The following NPHP4 variants were observed in gnomAD, a reference collection of about 807,000 sequenced individuals.
NPHP4 encodes nephrocystin-4.
In NPHP4, 151 loss-of-function variants were observed where a neutral mutation model predicts 155.8. That is an observed-to-expected ratio of 0.97 (90% confidence interval 0.85 to 1.11). The LOEUF is 1.11. Ranked by LOEUF, NPHP4 falls within the 50% of genes least tolerant of loss-of-function variation. NPHP4 has a pLI of 0.00. For synonymous variants in NPHP4, 845 were observed against 816.8 expected (o/e 1.03, Z -0.59); for missense variants, 1,956 against 1,925.7 (o/e 1.02, Z -0.29).
chr1:5,940,969 A>G (rs1479300550), intron 9 of NPHP4, among the ~76,000 whole-genome samples: 2 of 152,208 alleles, frequency 1.3e-5, no homozygotes, highest in African/African-American at 4.8e-5. Context: ...AATCCAGAAA[A>G]TAAACATGCA....
Position 5,981,601 on chromosome 1 carries a change from T to C in NPHP4, c.136-3188A>G, listed in dbSNP as rs1654711504. Among the ~76,000 whole-genome samples, 7 of 152,332 alleles carry C rather than the reference T, an allele frequency of 4.6e-5. No homozygotes were observed. In the South Asian group the frequency reaches 1.5e-3, roughly 32 times the overall value. On this transcript the variant is annotated intron_variant, in intron 2 of 29. Transcript: ENST00000378156. The stretch of plus-strand genomic sequence containing the variant: ...TTCACAGGGAAGCAAGCTTTGGCCA[T>C]TATCTAAAGCTATCAATTCTCAAAA...
Position 5,947,110 on chromosome 1 carries a change from G to A in NPHP4, c.1113C>T (p.Asp371=), listed in dbSNP as rs769237264. ...EYVFSSPAGV[D]GNAASVTSLS... is the part of the protein sequence containing the mutation. Reference sequence around the variant, plus strand: ...GCAAAAGGGCTGTTCTTACATTGCCGTCCACTCCTGCAGGGCTGCTGAACA... The same window carrying A: ...GCAAAAGGGCTGTTCTTACATTGCCATCCACTCCTGCAGGGCTGCTGAACA... The change falls in exon 9 of 30, where the codon GAC becomes GAT. Residue 371 remains aspartate (D), a synonymous_variant. Coordinates refer to ENST00000378156, the MANE Select transcript of NPHP4 (RefSeq NM_015102.5). The A allele has an allele frequency of 9.7e-5, 156 of 1,613,736 alleles. No homozygotes were observed. Among genetic ancestry groups the A allele is most frequent in the Non-Finnish European group, 1.2e-4 (138 of 1,179,834 alleles).
intron 23 of NPHP4, among the ~76,000 whole-genome samples, chr1:5,869,948 C>T (rs1641827957): frequency 6.6e-6 from 1 of 152,172 alleles, no homozygotes; most frequent in African/African-American, 2.4e-5. Flanking sequence ...AAACAGTAGT[C>T]TGTGCACATA....
intron 11 of NPHP4, among the ~76,000 whole-genome samples, chr1:5,921,309 G>A (rs569680447): frequency 5.3e-4 from 80 of 152,292 alleles, no homozygotes; most frequent in African/African-American, 1.8e-3. Flanking sequence ...TGCTGAGCCC[G>A]CCCATGTCTC....
chr1:5,978,121 T>C (rs1457596953), intron 3 of NPHP4, 149 bp downstream of exon 3: 4 of 701,782 alleles, frequency 5.7e-6, no homozygotes, highest in African/African-American at 1.8e-5. Flanking sequence ...CGCTTGCCGC[T>C]AGACTAAGCT....
intron 25 of NPHP4, 114 bp downstream of exon 25, chr1:5,866,916 C>T (rs1390579702): frequency 1.3e-6 from 1 of 786,994 alleles, no homozygotes; most frequent in East Asian, 2.7e-5. Flanking sequence ...GGAAAGAAAC[C>T]ACTTAGCAGA....
chr1:5,936,568 TTAAGTA>T (rs1414326127), intron 9 of NPHP4, among the ~76,000 whole-genome samples: 1 of 151,388 alleles, frequency 6.6e-6, no homozygotes, highest in African/African-American at 2.4e-5. Context: ...TTTAGACTTT[TTAAGTA>T]TAACAGCACC....
At chr1:5,921,421 G>A (rs180958802) in intron 11 of NPHP4, among the ~76,000 whole-genome samples, 11 of 152,316 alleles carry the variant, frequency 7.2e-5, no homozygotes, top group African/African-American at 1.9e-4. Context: ...TCTTCAAAGC[G>A]GCTGCACACA....
intron 19 of NPHP4, among the ~76,000 whole-genome samples, chr1:5,878,135 C>T (rs1230508338): frequency 5.3e-5 from 8 of 152,228 alleles, no homozygotes. Flanking sequence ...CACTCTCTGG[C>T]ACCAGCAGAA....
chr1:5,865,435 AG>A, intron 26 of NPHP4, 162 bp from the exon 27 acceptor site: 1 of 601,396 alleles, frequency 1.7e-6, no homozygotes, highest in Non-Finnish European at 2.7e-6. Flanking sequence ...ACGCAGGGAA[AG>A]CCCCGGAGGA....
At chr1:5,973,303 C>T (rs1652927463) in intron 3 of NPHP4, among the ~76,000 whole-genome samples, 1 of 152,380 alleles carries the variant, frequency 6.6e-6, no homozygotes. Context: ...TCAACTCCGA[C>T]GCCCATGGCG....
At chr1:5,864,595 C>T (rs1320840280) in intron 27 of NPHP4, 78 bp from the exon 28 acceptor site, 2 of 1,355,624 alleles carry the variant, frequency 1.5e-6, no homozygotes, top group African/African-American at 1.5e-5. Flanking sequence ...GCCTGCAGCC[C>T]AATCAGCCAG....
At chr1:5,957,622 AG>A (rs1649492563) in intron 6 of NPHP4, among the ~76,000 whole-genome samples, 3 of 114,648 alleles carry the variant, frequency 2.6e-5, no homozygotes, top group Non-Finnish European at 5.4e-5. Flanking sequence ...CCGCTGCAAC[AG>A]TGGGATATTT....
At chr1:5,964,941 A>ATATATATATTTTTTTTTTTTTTTTT in intron 5 of NPHP4, among the ~76,000 whole-genome samples, 28 of 59,388 alleles carry the variant, frequency 4.7e-4, no homozygotes, top group African/African-American at 2.4e-3. Context: ...ATATATATAT[A>ATATATATATTTTTTTTTTTTTTTTT]TTTTTTTTTT....
chr1:5,907,217 T>C lies in NPHP4; in HGVS notation c.1509A>G (p.Ser503=). 1 of 1,574,358 alleles carries C rather than the reference T, an allele frequency of 6.4e-7. No homozygotes were observed. The highest frequency in any genetic ancestry group is 8.6e-7 in the Non-Finnish European group (1 of 1,158,906). ...GCGGGGAGGCCGCCAGCTGGGAAAT[T>C]GACAACTGGAAGGAAAGAGAGCACA... ...PQNSPVGPGL[S]ISQLAASPRS... Residue 503 remains serine (S), a synonymous_variant, in exon 13 of 30, where the codon TCA becomes TCG. Coordinates refer to ENST00000378156, the MANE Select transcript of NPHP4 (RefSeq NM_015102.5).
chr1:5,936,217 C>A (rs1005054116), intron 9 of NPHP4, among the ~76,000 whole-genome samples: 6 of 152,150 alleles, frequency 3.9e-5, no homozygotes, highest in Non-Finnish European at 7.4e-5. Flanking sequence ...ATAACAACAA[C>A]AAAAAATCTG....
At position 5,909,142 on chromosome 1, in the gene NPHP4, C is replaced by G. The variant is rs41307782; in HGVS notation, c.1503+10G>C. 5 of 1,590,962 alleles carry G rather than the reference C, an allele frequency of 3.1e-6. No individual in the cohort carries two copies. The highest frequency in any genetic ancestry group is 4.3e-6 in the Non-Finnish European group (5 of 1,168,098). ...AATTCTGAAGGAGGCCGTGGGGGGC[C>G]TGGACTTACCCCTGGTCCCACAGGT... On this transcript the variant is annotated intron_variant, in intron 12 of 29. Transcript: ENST00000378156.
chr1:5,907,238 G>C lies in NPHP4; in HGVS notation c.1504-16C>G. 6.6e-7 allele frequency: 1 copy of C among 1,517,016 alleles called. No individual in the cohort carries two copies. Among genetic ancestry groups the C allele is most frequent in the Non-Finnish European group, 9.0e-7 (1 of 1,113,352 alleles). The allele number at this position is 1,517,016 out of a possible 1,614,324, so 94.0% of individuals were successfully genotyped here. The stretch of plus-strand genomic sequence containing the variant: ...AAATTGACAACTGGAAGGAAAGAGA[G>C]CACAGGTGAGGGGCTCAGAAGCTTG... On this transcript the variant is annotated splice_polypyrimidine_tract_variant and intron_variant, in intron 12 of 29. Coordinates refer to ENST00000378156, the MANE Select transcript of NPHP4 (RefSeq NM_015102.5).
chr1:5,924,277 G>A (rs1645886993), intron 11 of NPHP4, among the ~76,000 whole-genome samples: 1 of 152,060 alleles, frequency 6.6e-6, no homozygotes, highest in Non-Finnish European at 1.5e-5. Context: ...CACGTAACTG[G>A]GGCCTCTGAA....
Sources: allele counts gnomAD v4.1 joint callset (sites outside exome capture counted in the v4.1 genomes callset), GRCh38; gene constraint gnomAD v4.1.1; transcripts MANE v1.5; gene names NCBI Gene and HGNC (gene_info 2026-07-23, HGNC 2026-07-21).